The following ABTB3 variants were observed in gnomAD, a reference collection of about 807,000 sequenced individuals.
The protein encoded by ABTB3 is ankyrin repeat and BTB domain containing 3.
At chr12:107,326,308 G>A in the ABTB3 span, among the ~76,000 whole-genome samples, 1 of 152,204 alleles carries the variant, frequency 6.6e-6, no homozygotes, top group Non-Finnish European at 1.5e-5. Flanking sequence ...AGTGGGGTTG[G>A]AGGAGGTAGG....
At chr12:107,375,512 C>T in the ABTB3 span, among the ~76,000 whole-genome samples, 3 of 152,054 alleles carry the variant, frequency 2.0e-5, no homozygotes, top group Admixed American at 6.6e-5. Flanking sequence ...GCAACAAAAC[C>T]AAAGCCCTCT....
chr12:107,341,624 T>C, the ABTB3 span, among the ~76,000 whole-genome samples: 3 of 152,188 alleles, frequency 2.0e-5, no homozygotes, highest in South Asian at 4.1e-4. Flanking sequence ...ATGATCAGCA[T>C]CAGTGGATGC....
chr12:107,617,582 C>A, the ABTB3 span: 1 of 1,058,894 alleles, frequency 9.4e-7, no homozygotes, highest in Non-Finnish European at 1.3e-6. Flanking sequence ...CTGGCCAGAG[C>A]GACCCTACCT....
chr12:107,610,686 C>T, the ABTB3 span, among the ~76,000 whole-genome samples: 8 of 152,122 alleles, frequency 5.3e-5, no homozygotes, highest in Non-Finnish European at 8.8e-5. Context: ...CTTCTTCCAT[C>T]GTGGTTAAAA....
At chr12:107,369,656 C>T in the ABTB3 span, among the ~76,000 whole-genome samples, 2 of 151,118 alleles carry the variant, frequency 1.3e-5, no homozygotes, top group African/African-American at 4.9e-5. Context: ...TCCTTGGCCT[C>T]CCAAAGTGCT....
the ABTB3 span, chr12:107,544,225 G>A: frequency 2.9e-6 from 4 of 1,402,124 alleles, no homozygotes; most frequent in Middle Eastern, 1.9e-4. Context: ...GATGATGGGG[G>A]TAGAAAGGAC....
At chr12:107,450,580 C>T in the ABTB3 span, among the ~76,000 whole-genome samples, 4 of 152,100 alleles carry the variant, frequency 2.6e-5, no homozygotes, top group African/African-American at 9.7e-5. Context: ...ATTCAGTGGT[C>T]TAGGACAAGG....
chr12:107,549,762 T>C, the ABTB3 span, among the ~76,000 whole-genome samples: 2 of 152,196 alleles, frequency 1.3e-5, no homozygotes, highest in African/African-American at 2.4e-5. Context: ...TGATCCCAGA[T>C]TGACAAATTA....
the ABTB3 span, among the ~76,000 whole-genome samples, chr12:107,541,161 C>T: frequency 6.6e-6 from 1 of 152,216 alleles, no homozygotes; most frequent in Non-Finnish European, 1.5e-5. Context: ...TGGCCCCTCC[C>T]TCAGACAGGA....
the ABTB3 span, among the ~76,000 whole-genome samples, chr12:107,451,321 C>T: frequency 6.6e-6 from 1 of 152,140 alleles, no homozygotes; most frequent in Non-Finnish European, 1.5e-5. Context: ...GCTGCAACTC[C>T]AAAGGTGAAT....
At chr12:107,453,491 A>G in the ABTB3 span, among the ~76,000 whole-genome samples, 1 of 152,148 alleles carries the variant, frequency 6.6e-6, no homozygotes, top group East Asian at 1.9e-4. Flanking sequence ...GAAAGTGCCA[A>G]CTATGGGCCA....
At chr12:107,576,394 G>T in the ABTB3 span, among the ~76,000 whole-genome samples, 1 of 152,186 alleles carries the variant, frequency 6.6e-6, no homozygotes, top group Non-Finnish European at 1.5e-5. Context: ...CAAGCTGCTG[G>T]CAGGGTTGTC....
At chr12:107,400,936 T>C in the ABTB3 span, among the ~76,000 whole-genome samples, 1 of 152,170 alleles carries the variant, frequency 6.6e-6, no homozygotes, top group Non-Finnish European at 1.5e-5. Context: ...TTAAAATGCA[T>C]TAACTGAGTT....
chr12:107,651,829 T>G, the ABTB3 span: 1 of 1,546,386 alleles, frequency 6.5e-7, no homozygotes, highest in East Asian at 2.3e-5. Flanking sequence ...ACAGGAGCGC[T>G]GAAGCCGGGG....
the ABTB3 span, among the ~76,000 whole-genome samples, chr12:107,570,457 A>G: frequency 6.6e-6 from 1 of 152,066 alleles, no homozygotes; most frequent in Admixed American, 6.5e-5. Context: ...TCAGGTGACC[A>G]ACCCACCTCA....
the ABTB3 span, among the ~76,000 whole-genome samples, chr12:107,405,896 G>T: frequency 2.6e-5 from 4 of 152,208 alleles, no homozygotes; most frequent in Admixed American, 6.5e-5. Context: ...TGGGTATCAT[G>T]CTTCTACTCT....
chr12:107,524,369 A>G, the ABTB3 span, among the ~76,000 whole-genome samples: 3 of 152,288 alleles, frequency 2.0e-5, no homozygotes, highest in East Asian at 5.8e-4. Context: ...CTCTGTGTAC[A>G]TAGAGAGCTG....
the ABTB3 span, among the ~76,000 whole-genome samples, chr12:107,501,406 A>T: frequency 7.4e-6 from 1 of 134,576 alleles, no homozygotes; most frequent in Non-Finnish European, 1.6e-5. Context: ...AAACAAGAAA[A>T]CAAGGGAGGA....
the ABTB3 span, among the ~76,000 whole-genome samples, chr12:107,507,085 G>T: frequency 2.6e-5 from 4 of 152,272 alleles, no homozygotes; most frequent in African/African-American, 9.6e-5. Flanking sequence ...GTGTAAAGAG[G>T]CCAACTTCTG....
Sources: gnomAD v4.1 joint callset for allele counts (sites outside exome capture counted in the v4.1 genomes callset) on GRCh38, gnomAD v4.1.1 for gene constraint, MANE v1.5 for transcripts, NCBI Gene and HGNC (gene_info 2026-07-23, HGNC 2026-07-21) for gene names.